HLCS: variants seen among roughly 807,000 people sequenced by gnomAD.
HLCS encodes the protein biotin--protein ligase.
Under a neutral mutation model 75.0 loss-of-function variants are expected in HLCS, and 53 were observed. That is an observed-to-expected ratio of 0.71 (90% CI 0.57 to 0.89). The LOEUF is 0.89. Ranked by LOEUF, HLCS falls within the 40% of genes least tolerant of loss-of-function variation. HLCS has a pLI of 0.00. For synonymous variants in HLCS, 431 were observed against 428.6 expected (o/e 1.01, Z -0.07); for missense variants, 966 against 1,074.0 (o/e 0.90, Z 1.41).
intron 6 of HLCS, among the ~76,000 whole-genome samples, chr21:36,886,759 AT>A (rs889892901): frequency 6.6e-6 from 1 of 152,094 alleles, no homozygotes; most frequent in African/African-American, 2.4e-5. Flanking sequence ...GCCCTAACTA[AT>A]GGGATTAATG....
At chr21:36,817,481 G>A (rs1488054977) in intron 6 of HLCS, among the ~76,000 whole-genome samples, 1 of 152,122 alleles carries the variant, frequency 6.6e-6, no homozygotes, top group Non-Finnish European at 1.5e-5. Context: ...CTTCTAAGAT[G>A]TGAGATCTCC....
At chr21:36,760,609 C>CA (rs571481654) in intron 8 of HLCS, among the ~76,000 whole-genome samples, 14,174 of 95,866 alleles carry the variant, frequency 0.15, 734 homozygotes, top group African/African-American at 0.16. Flanking sequence ...GACTCTGTCT[C>CA]AAAAAAAAAA....
At chr21:36,764,653 C>T (rs531109971) in intron 8 of HLCS, among the ~76,000 whole-genome samples, 43 of 152,172 alleles carry the variant, frequency 2.8e-4, no homozygotes, top group African/African-American at 9.9e-4. Flanking sequence ...TGCAGTGAGC[C>T]GAGATAGTGC....
At chr21:36,887,662 A>C (rs1236918342) in intron 6 of HLCS, among the ~76,000 whole-genome samples, 1 of 152,256 alleles carries the variant, frequency 6.6e-6, no homozygotes, top group Non-Finnish European at 1.5e-5. Flanking sequence ...AAATTTTAGA[A>C]GTAAACATTA....
In HLCS at chr21:36,930,320, G is replaced by C. The variant is rs138442090; in HGVS notation, c.1551C>G (p.Thr517=). ...GTTTCATGTCACAGCTGAGGCCAAG[G>C]GTTGTCAGAATCTCTCTAAGGACTT... ...RYEVLREILT[T]LGLSCDMKQV... Residue 517 remains threonine, a synonymous_variant, in exon 5 of 11, where the codon ACC becomes ACG. Coordinates refer to ENST00000674895, the MANE Select transcript of HLCS (RefSeq NM_001352514.2). 3.7e-6 allele frequency: 6 copies of C among 1,614,062 alleles called. No individual in the cohort carries two copies. The African/African-American group carries it at 4.0e-5, about 11-fold the overall frequency.
At position 36,889,262 on chromosome 21, in the gene HLCS, G is replaced by A. The variant is rs542825734; in HGVS notation, c.1892+7598C>T. Among the ~76,000 whole-genome samples the A allele has an allele frequency of 2.6e-5, 4 of 152,256 alleles. No individual in the cohort carries two copies. The South Asian group carries it at 8.3e-4, about 32-fold the overall frequency. On this transcript the variant is annotated intron_variant, in intron 6 of 10. Coordinates refer to ENST00000674895, the MANE Select transcript of HLCS (RefSeq NM_001352514.2). ...TACAAATACAAAACGTCCAACCTTG[G>A]ACAACTTATTCAGGATGCACAAGTA...
chr21:36,762,476 G>A (rs1168510639), intron 8 of HLCS, among the ~76,000 whole-genome samples: 1 of 152,194 alleles, frequency 6.6e-6, no homozygotes, highest in Admixed American at 6.5e-5. Context: ...GCATCCCAGC[G>A]AGGCCGCCTT....
At chr21:36,931,585 A>G (rs1021777039) in intron 4 of HLCS, among the ~76,000 whole-genome samples, 3 of 151,988 alleles carry the variant, frequency 2.0e-5, no homozygotes, top group Admixed American at 1.3e-4. Flanking sequence ...CCCTGTCTCT[A>G]CAAAAAATAC....
chr21:36,856,499 A>G (rs2063198161), intron 6 of HLCS, among the ~76,000 whole-genome samples: 2 of 152,204 alleles, frequency 1.3e-5, no homozygotes, highest in African/African-American at 4.8e-5. Context: ...GATTGCAAAT[A>G]AATACCACGG....
intron 2 of HLCS, among the ~76,000 whole-genome samples, chr21:36,959,933 G>C (rs566688090): frequency 8.1e-4 from 123 of 152,338 alleles, no homozygotes; most frequent in Non-Finnish European, 1.6e-3. Context: ...AAGGAGAGAA[G>C]AACTGTGGCC....
rs531708014 is a variant in HLCS, at chr21:36,752,124, A to T, written c.*2122T>A. The T allele has an allele frequency of 2.0e-5, 3 of 152,744 alleles. No individual in the cohort carries two copies. In the South Asian group the frequency reaches 6.2e-4, roughly 32 times the overall value. The allele number at this position is 152,744 out of a possible 1,614,324, so 9.5% of individuals were successfully genotyped here. ...AGAGTCTTTGGTTCATGTGAGGCAA[A>T]ATCAGGTTTATGGAAAACGCAGCAT... On this transcript the variant is annotated 3_prime_UTR_variant, in exon 11 of 11. Coordinates refer to ENST00000674895, the MANE Select transcript of HLCS (RefSeq NM_001352514.2).
chr21:36,803,953 C>G (rs575500150), intron 6 of HLCS: 1 of 152,228 alleles, frequency 6.6e-6, no homozygotes, highest in Non-Finnish European at 1.5e-5. Flanking sequence ...TTAGGGAGAC[C>G]GAATTCCAGC....
intron 6 of HLCS, among the ~76,000 whole-genome samples, chr21:36,872,067 C>T (rs1220470066): frequency 6.6e-6 from 1 of 152,158 alleles, no homozygotes; most frequent in Non-Finnish European, 1.5e-5. Flanking sequence ...ACCTATGCAT[C>T]CAGCCATTAA....
intron 1 of HLCS, among the ~76,000 whole-genome samples, chr21:36,979,732 T>C (rs889142790): frequency 2.0e-5 from 3 of 151,844 alleles, no homozygotes; most frequent in Admixed American, 1.3e-4. Context: ...CTTTGCAACA[T>C]AGGGAGACTC....
chr21:36,962,307 G>C, intron 1 of HLCS, 137 bp from the exon 2 acceptor site: 1 of 501,816 alleles, frequency 2.0e-6, no homozygotes, highest in South Asian at 2.0e-5. Flanking sequence ...CTCCTCTGCA[G>C]GCCGCAGGAA....
intron 5 of HLCS, among the ~76,000 whole-genome samples, chr21:36,926,898 A>T (rs1046461127): frequency 6.6e-6 from 1 of 151,876 alleles, no homozygotes; most frequent in African/African-American, 2.4e-5. Context: ...ATGCGCCACC[A>T]TGCCTGGCTA....
intron 1 of HLCS, among the ~76,000 whole-genome samples, chr21:36,977,950 G>A (rs2068988003): frequency 6.6e-6 from 1 of 152,184 alleles, no homozygotes; most frequent in Non-Finnish European, 1.5e-5. Flanking sequence ...CCTCATGAGC[G>A]CTCTTCGTGG....
intron 2 of HLCS, chr21:36,943,874 T>C (rs898119865): frequency 2.0e-5 from 3 of 151,428 alleles, no homozygotes; most frequent in East Asian, 1.9e-4. Flanking sequence ...CAGGGAAATA[T>C]GGACACACTA....
intron 6 of HLCS, among the ~76,000 whole-genome samples, chr21:36,795,120 C>A (rs1027688278): frequency 1.3e-5 from 2 of 152,090 alleles, no homozygotes; most frequent in Non-Finnish European, 2.9e-5. Flanking sequence ...GAGGGGAAGA[C>A]GTCTGATTAA....
Sources: allele counts gnomAD v4.1 joint callset (sites outside exome capture counted in the v4.1 genomes callset), GRCh38; gene constraint gnomAD v4.1.1; transcripts MANE v1.5; gene names NCBI Gene and HGNC (gene_info 2026-07-23, HGNC 2026-07-21).